The following TACC2 variants were observed in gnomAD, a reference collection of about 807,000 sequenced individuals.
TACC2 encodes transforming acidic coiled-coil-containing protein 2.
In TACC2, 137 loss-of-function variants were observed where a neutral mutation model predicts 227.3. That is an observed-to-expected ratio of 0.60 (90% CI 0.52 to 0.69). TACC2 has a LOEUF of 0.69. TACC2 is among the 30% of genes least tolerant of loss of function. The pLI is 0.00. For synonymous variants in TACC2, 1,523 were observed against 1,487.5 expected, an observed-to-expected ratio of 1.02 and a Z score of -0.55; for missense variants, 3,470 against 3,694.4, an observed-to-expected ratio of 0.94 and a Z score of 1.57.
At chr10:122,019,440 GC>G (rs1467212047) in intron 1 of TACC2, among the ~76,000 whole-genome samples, 1 of 152,244 alleles carries the variant, frequency 6.6e-6, no homozygotes, top group African/African-American at 2.4e-5. Context: ...TTTGTTCCCG[GC>G]CCGACTGCAT....
chr10:122,105,883 A>G (rs1331818340), intron 5 of TACC2, among the ~76,000 whole-genome samples: 1 of 151,278 alleles, frequency 6.6e-6, no homozygotes, highest in Non-Finnish European at 1.5e-5. Flanking sequence ...GCAGCCTCCC[A>G]AAGTGCTGGG....
rs755818965 is a variant in TACC2, at chr10:122,211,462, A to G, written c.7037A>G (p.Asn2346Ser). 3.3e-5 allele frequency: 53 copies of G among 1,613,916 alleles called. No individual in the cohort carries two copies. In the Admixed American group the frequency reaches 4.8e-4, roughly 15 times the overall value. ...GATATTGACAAGTGGGATGACCCCA[A>G]TTTTAACCCTTTTTCTTCCACCTCA... ...TFDIDKWDDP[N>S]FNPFSSTSKM... Residue 2346 changes from asparagine to serine, a missense_variant, in exon 9 of 23, where the codon AAT (asparagine) becomes AGT (serine). This residue lies in a region of TACC2 where 593 missense variants were observed against 636.6 expected (regional missense o/e 0.93). Transcript: ENST00000369005.
Position 122,082,848 on chromosome 10 carries a change from TC to T in TACC2, c.353del (p.Pro118ArgfsTer92). ...CGTCCTCCATGCCCTTTGCCGAGTGTCCCCCGGAAGGTTGCTTGGCAAGTCC... is the reference window on the plus strand; with the variant it reads ...CGTCCTCCATGCCCTTTGCCGAGTGTCCCCGGAAGGTTGCTTGGCAAGTCC... ...PSSSMPFAEC[P>X]PEGCLASPAA... is the part of the protein sequence containing the mutation. On this transcript the variant is annotated frameshift_variant, in exon 4 of 23. Coordinates refer to ENST00000369005, the MANE Select transcript of TACC2 (RefSeq NM_206862.4). LOFTEE classifies it high-confidence loss of function. 6.2e-7 allele frequency: 1 copy of T among 1,613,290 alleles called. No individual in the cohort carries two copies. The highest frequency in any genetic ancestry group is 8.5e-7 in the Non-Finnish European group (1 of 1,179,940).
At chr10:122,155,962 C>T (rs377569428) in intron 7 of TACC2, among the ~76,000 whole-genome samples, 3 of 151,138 alleles carry the variant, frequency 2.0e-5, no homozygotes, top group East Asian at 2.0e-4. Flanking sequence ...CTCAGCCTCG[C>T]GAGTAGCTGG....
At chr10:122,197,529 A>G (rs1017469917) in intron 8 of TACC2, among the ~76,000 whole-genome samples, 8 of 152,234 alleles carry the variant, frequency 5.3e-5, no homozygotes, top group African/African-American at 1.9e-4. Context: ...CACAACATCC[A>G]TCTTTTTCTT....
chr10:122,059,749 G>A (rs2076593456), intron 3 of TACC2, among the ~76,000 whole-genome samples: 1 of 152,158 alleles, frequency 6.6e-6, no homozygotes, highest in African/African-American at 2.4e-5. Flanking sequence ...TGGTGTGGAG[G>A]CTCTGAAAGG....
In TACC2 at chr10:122,224,722, G is replaced by A. The variant is rs370804528; in HGVS notation, c.7547-4G>A. 2.5e-6 allele frequency: 4 copies of A among 1,613,308 alleles called. No individual in the cohort carries two copies. The African/African-American group carries it at 5.3e-5, about 22-fold the overall frequency. ...TGTGTTTGTGTTTGTTTTTGTTTTT[G>A]CAGAGTTGGATTACAGAAACTCCTA... On this transcript the variant is annotated splice_polypyrimidine_tract_variant and splice_region_variant and intron_variant, in intron 11 of 22. Coordinates refer to ENST00000369005, the MANE Select transcript of TACC2 (RefSeq NM_206862.4).
In TACC2 at chr10:122,141,304, C is replaced by T. The variant is rs963744130; in HGVS notation, c.5700-2268C>T. On this transcript the variant is annotated intron_variant, in intron 6 of 22. Coordinates refer to ENST00000369005, the MANE Select transcript of TACC2 (RefSeq NM_206862.4). The surrounding 1 kb of genome is among the most constrained non-coding windows in gnomAD (Gnocchi z 4.3). ...TTTCCTCGTGGGAGCCTGACCTCCT[C>T]GGCCCCTGGGTATGAGCCAACAGGC... Among the ~76,000 whole-genome samples the T allele has an allele frequency of 6.6e-5, 10 of 152,238 alleles. No individual in the cohort carries two copies. Among genetic ancestry groups the T allele is most frequent in the East Asian group, 5.8e-4 (3 of 5,176 alleles).
chr10:122,227,558 C>T (rs573361859), intron 13 of TACC2, among the ~76,000 whole-genome samples: 9 of 152,306 alleles, frequency 5.9e-5, no homozygotes, highest in African/African-American at 1.9e-4. Flanking sequence ...GCACGGTATC[C>T]AGTCACTTTC....
chr10:122,077,886 A>G (rs1296991562), intron 3 of TACC2, among the ~76,000 whole-genome samples: 9 of 151,862 alleles, frequency 5.9e-5, no homozygotes, highest in Admixed American at 5.9e-4. Flanking sequence ...GTGTGGATTA[A>G]GCGCAATCGT....
intron 1 of TACC2, among the ~76,000 whole-genome samples, chr10:122,016,439 T>C (rs996369897): frequency 5.9e-5 from 9 of 151,634 alleles, no homozygotes; most frequent in Admixed American, 3.9e-4. Context: ...TGGTGGCACG[T>C]TCCTGTAGTC....
rs2080191080 is a variant in TACC2 at position 122,087,276 on chromosome 10, C to T, written c.4776C>T (p.Asp1592=). ...HSHGEEAVAQ[D]RIPSGKQHQE... is the part of the protein sequence containing the mutation. ...ATGGAGAAGAGGCCGTGGCCCAAGA[C>T]AGAATTCCTTCTGGAAAGCAGCACC... The change falls in exon 4 of 23, where the codon GAC becomes GAT. Residue 1592 remains aspartate (D), a synonymous_variant. Transcript: ENST00000369005. The T allele has an allele frequency of 6.2e-7, 1 of 1,613,760 alleles. No individual in the cohort carries two copies. Among genetic ancestry groups the T allele is most frequent in the African/African-American group, 1.3e-5 (1 of 74,954 alleles).
intron 1 of TACC2, among the ~76,000 whole-genome samples, chr10:122,003,816 C>T (rs113254690): frequency 0.14 from 21,049 of 151,794 alleles, 2,101 homozygotes; most frequent in African/African-American, 0.28. Flanking sequence ...CCACCATGCC[C>T]GGCTAATTTT....
At chr10:122,014,771 C>T (rs1956367431) in intron 1 of TACC2, among the ~76,000 whole-genome samples, 1 of 152,132 alleles carries the variant, frequency 6.6e-6, no homozygotes, top group African/African-American at 2.4e-5. Flanking sequence ...TTCTGCCTAC[C>T]CATTTCTTCT....
At chr10:122,218,513 A>G (rs1390306587) in intron 11 of TACC2, among the ~76,000 whole-genome samples, 3 of 152,332 alleles carry the variant, frequency 2.0e-5, no homozygotes, top group South Asian at 2.1e-4. Context: ...TGGTACCAGC[A>G]TGCAATTATG....
At chr10:122,013,851 CTG>C (rs911742090) in intron 1 of TACC2, among the ~76,000 whole-genome samples, 2 of 152,172 alleles carry the variant, frequency 1.3e-5, no homozygotes, top group African/African-American at 4.8e-5. Flanking sequence ...AACTGGAAGA[CTG>C]TGGGATGTTG....
chr10:122,065,952 C>G (rs1052522485), intron 3 of TACC2, among the ~76,000 whole-genome samples: 1 of 152,148 alleles, frequency 6.6e-6, no homozygotes, highest in African/African-American at 2.4e-5. Flanking sequence ...ATAGACACAA[C>G]AGCCTGATTA....
At chr10:122,204,615 C>T (rs932660394) in intron 8 of TACC2, among the ~76,000 whole-genome samples, 2 of 152,166 alleles carry the variant, frequency 1.3e-5, no homozygotes, top group Non-Finnish European at 2.9e-5. Context: ...GTGGGAGGAT[C>T]GCTGGAGCCC....
At chr10:122,125,548 T>A (rs2086672328) in intron 5 of TACC2, among the ~76,000 whole-genome samples, 1 of 152,086 alleles carries the variant, frequency 6.6e-6, no homozygotes, top group Non-Finnish European at 1.5e-5. Context: ...AGTCCCTCAA[T>A]CTGTGTCACC....
Sources: gnomAD v4.1 joint callset for allele counts (sites outside exome capture counted in the v4.1 genomes callset) on GRCh38, gnomAD v4.1.1 for gene constraint, gnomAD v4.1.1 regional missense constraint, Gnocchi (gnomAD v3.1) non-coding constraint, MANE v1.5 for transcripts, NCBI Gene and HGNC (gene_info 2026-07-23, HGNC 2026-07-21) for gene names.